Variants in DLEU7 observed in about 807,000 individuals in gnomAD.
The protein encoded by DLEU7 is deleted in lymphocytic leukemia 7.
A neutral mutation model predicts 16.0 loss-of-function variants in DLEU7; 17 were observed. That is an observed-to-expected ratio of 1.06 (90% CI 0.73 to 1.59). The LOEUF is 1.59. Ranked by LOEUF, DLEU7 falls within the 40% of genes most tolerant of loss-of-function variation. DLEU7 has a pLI of 0.00. For missense variants in DLEU7, 308 were observed against 314.9 expected, an observed-to-expected ratio of 0.98 and a Z score of 0.17; for synonymous variants, 113 against 139.8, an observed-to-expected ratio of 0.81 and a Z score of 1.35.
chr13:50,758,890 A>G (rs1449888433), intron 1 of DLEU7, among the ~76,000 whole-genome samples: 3 of 152,202 alleles, frequency 2.0e-5, no homozygotes, highest in African/African-American at 7.2e-5. Flanking sequence ...GTGAGTCACT[A>G]TGTCCAGCCC....
intron 1 of DLEU7, among the ~76,000 whole-genome samples, chr13:50,760,034 T>C (rs588452): frequency 0.47 from 71,408 of 152,082 alleles, 17,746 homozygotes; most frequent in African/African-American, 0.62. Flanking sequence ...ATGAGGTCTT[T>C]TACGTATTCT....
At chr13:50,773,792 G>A (rs527448197) in intron 1 of DLEU7, among the ~76,000 whole-genome samples, 4 of 152,172 alleles carry the variant, frequency 2.6e-5, no homozygotes, top group Admixed American at 1.3e-4. Flanking sequence ...CTGGGAGAAC[G>A]ACTGCTCTCT....
At chr13:50,776,834 C>T (rs1444286236) in intron 1 of DLEU7, among the ~76,000 whole-genome samples, 1 of 152,156 alleles carries the variant, frequency 6.6e-6, no homozygotes, top group Non-Finnish European at 1.5e-5. Context: ...AATCCTGTTT[C>T]TACATTTGTT....
chr13:50,761,792 T>A (rs1029701200), intron 1 of DLEU7, among the ~76,000 whole-genome samples: 1 of 152,174 alleles, frequency 6.6e-6, no homozygotes, highest in African/African-American at 2.4e-5. Flanking sequence ...CAAAAAGTAT[T>A]CAATTATGCC....
chr13:50,836,565 T>A (rs988729225), intron 1 of DLEU7, among the ~76,000 whole-genome samples: 2 of 151,754 alleles, frequency 1.3e-5, no homozygotes, highest in African/African-American at 4.8e-5. Flanking sequence ...TCCCAGCTAC[T>A]CGGGAGGCTG....
rs35222883 is a variant in DLEU7 at position 50,755,549 on chromosome 13, C to CTT, written c.460-42311_460-42310dup. ...CCAATGTTTCCTGAAGTTTTTATTG[C>CTT]TTTTTTTTATGCTATCTATTTCCTT... On this transcript the variant is annotated intron_variant, in intron 1 of 1. Transcript: ENST00000400393. Among the ~76,000 whole-genome samples, 56 of 151,558 alleles carry CTT rather than the reference C, an allele frequency of 3.7e-4. 1 individual carries two copies. The East Asian group carries it at 6.6e-3, about 18-fold the overall frequency.
At chr13:50,788,941 G>A (rs1006189553) in intron 1 of DLEU7, among the ~76,000 whole-genome samples, 4 of 152,090 alleles carry the variant, frequency 2.6e-5, no homozygotes, top group Admixed American at 1.3e-4. Flanking sequence ...GGGTTATATC[G>A]AGGAAAGAGC....
rs1875107728 is a variant in DLEU7 at position 50,766,324 on chromosome 13, C to T, written c.460-53084G>A. 3.9e-5 allele frequency among the ~76,000 whole-genome samples: 6 copies of T among 152,342 alleles called. No homozygotes were observed. The South Asian group carries it at 1.2e-3, about 32-fold the overall frequency. On this transcript the variant is annotated intron_variant, in intron 1 of 1. Transcript: ENST00000400393. ...TGCACTCCACCCGTCTCCTTGTCTC[C>T]TCACCCAGCCTGGAGCCCTGCAGGC... is the stretch of plus-strand genomic sequence containing the variant.
chr13:50,746,381 G>A (rs922519837), intron 1 of DLEU7, among the ~76,000 whole-genome samples: 2 of 152,144 alleles, frequency 1.3e-5, no homozygotes, highest in African/African-American at 4.8e-5. Context: ...AATCCTTGCT[G>A]AGCCTTATTT....
intron 1 of DLEU7, among the ~76,000 whole-genome samples, chr13:50,807,506 GT>G (rs201915179): frequency 6.7e-4 from 96 of 143,998 alleles, no homozygotes; most frequent in South Asian, 1.1e-3. Flanking sequence ...TTTTTTTGGT[GT>G]TTTTTTTTTT....
At chr13:50,804,699 G>A (rs534674082) in intron 1 of DLEU7, among the ~76,000 whole-genome samples, 148 of 152,250 alleles carry the variant, frequency 9.7e-4, no homozygotes, top group South Asian at 4.2e-3. Flanking sequence ...GCCAGCCTAG[G>A]CCTCTCAAAG....
At chr13:50,778,247 T>C (rs1339449631) in intron 1 of DLEU7, among the ~76,000 whole-genome samples, 2 of 152,084 alleles carry the variant, frequency 1.3e-5, no homozygotes, top group African/African-American at 4.8e-5. Context: ...GTTTTAACCA[T>C]CATATCTGGT....
chr13:50,777,091 G>A (rs565607359), intron 1 of DLEU7, among the ~76,000 whole-genome samples: 1 of 152,270 alleles, frequency 6.6e-6, no homozygotes, highest in South Asian at 2.1e-4. Context: ...GCTTCCCATG[G>A]CCACTACAGC....
intron 1 of DLEU7, among the ~76,000 whole-genome samples, chr13:50,777,675 CT>C (rs1875545152): frequency 1.3e-5 from 2 of 152,060 alleles, no homozygotes; most frequent in South Asian, 2.1e-4. Context: ...TTTGGGAAGC[CT>C]TTTTTGTTCA....
chr13:50,770,783 T>C (rs989231214), intron 1 of DLEU7, among the ~76,000 whole-genome samples: 1 of 152,192 alleles, frequency 6.6e-6, no homozygotes, highest in Non-Finnish European at 1.5e-5. Context: ...GATGCTGGCC[T>C]CATAAAATGA....
At chr13:50,746,489 A>C (rs1874399782) in intron 1 of DLEU7, among the ~76,000 whole-genome samples, 1 of 152,220 alleles carries the variant, frequency 6.6e-6, no homozygotes, top group Admixed American at 6.5e-5. Context: ...AAGCTATCAA[A>C]ATTCAGTCAT....
chr13:50,823,564 G>A, intron 1 of DLEU7, 44 bp from the exon 2 acceptor site: 1 of 1,528,942 alleles, frequency 6.5e-7, no homozygotes, highest in Non-Finnish European at 8.8e-7. Flanking sequence ...GATAGGTTAT[G>A]GGGGCCAATT....
At chr13:50,800,999 G>C (rs1876230524) in intron 1 of DLEU7, among the ~76,000 whole-genome samples, 1 of 152,114 alleles carries the variant, frequency 6.6e-6, no homozygotes, top group South Asian at 2.1e-4. Context: ...GCCAGCAGTG[G>C]GGCTGACTCT....
At chr13:50,727,882 C>A (rs765565374) in intron 1 of DLEU7, among the ~76,000 whole-genome samples, 18 of 152,380 alleles carry the variant, frequency 1.2e-4, no homozygotes, top group South Asian at 1.0e-3. Context: ...CAGAATGAGA[C>A]ACCTTCTCTC....
Sources: gnomAD v4.1 joint callset for allele counts (sites outside exome capture counted in the v4.1 genomes callset) on GRCh38, gnomAD v4.1.1 for gene constraint, MANE v1.5 for transcripts, NCBI Gene and HGNC (gene_info 2026-07-23, HGNC 2026-07-21) for gene names.